Variants in POM121 observed in about 807,000 individuals in gnomAD.
POM121 encodes POM121 transmembrane nucleoporin, also known as nuclear envelope pore membrane protein POM 121.
In POM121, 32 loss-of-function variants were observed where a neutral mutation model predicts 81.3. The observed-to-expected ratio is 0.39, with a 90% CI of 0.30 to 0.53. The LOEUF is 0.53. Among genes scored for constraint, POM121 ranks in the 20% least tolerant of loss-of-function variants. The probability of loss-of-function intolerance (pLI) is 0.66; values close to 1 mark genes in which losing one functional copy is unlikely to be tolerated. For missense variants in POM121, 1,138 were observed against 1,614.6 expected, an observed-to-expected ratio of 0.70 and a Z score of 5.06; for synonymous variants, 514 against 694.2, an observed-to-expected ratio of 0.74 and a Z score of 4.08.
At chr7:72,902,412 A>G (rs1220995934) in intron 3 of POM121, among the ~76,000 whole-genome samples, 4 of 150,472 alleles carry the variant, frequency 2.7e-5, no homozygotes, top group African/African-American at 9.8e-5. Context: ...ATAGGCACCC[A>G]CCACCATGCC....
rs1797691096 is a variant in POM121 at position 72,946,353 on chromosome 7, T to G, written c.*119T>G. 13 of 1,444,688 alleles carry G rather than the reference T, an allele frequency of 9.0e-6. No homozygotes were observed. The highest frequency in any genetic ancestry group is 1.2e-5 in the Non-Finnish European group (13 of 1,094,788). 89.5% of individuals were successfully genotyped at this position (1,444,688 alleles called of 1,614,324 possible). A position where few individuals can be genotyped will look rare whatever the true frequency, so the allele number is the denominator to read the frequency against. Reference sequence around the variant, plus strand: ...AGCAAACCTACCCCGGATCTCTGGCTTCAGCCGCCAGGGGGCAGTGGCAGC... The same window carrying G: ...AGCAAACCTACCCCGGATCTCTGGCGTCAGCCGCCAGGGGGCAGTGGCAGC... On this transcript the variant is annotated 3_prime_UTR_variant, in exon 13 of 13. Transcript: ENST00000434423.
chr7:72,911,021 A>G (rs1793751392), intron 3 of POM121, among the ~76,000 whole-genome samples: 3 of 152,134 alleles, frequency 2.0e-5, no homozygotes, highest in Admixed American at 2.0e-4. Context: ...TAGTCTGGCT[A>G]TGTCCGCCAG....
intron 11 of POM121, among the ~76,000 whole-genome samples, chr7:72,945,112 G>C (rs1797539128): frequency 6.6e-6 from 1 of 152,174 alleles, no homozygotes. Flanking sequence ...TGCCAGAGAG[G>C]GCCTCGGGCA....
exon 1 of POM121, chr7:72,879,539 A>T (rs1413151621): frequency 3.8e-6 from 1 of 261,186 alleles, no homozygotes; most frequent in Non-Finnish European, 7.5e-6. Flanking sequence ...TCGAGCCGGG[A>T]CCCCCGAGCG....
intron 3 of POM121, among the ~76,000 whole-genome samples, chr7:72,895,418 C>G (rs1452139901): frequency 6.6e-6 from 1 of 152,196 alleles, no homozygotes; most frequent in Non-Finnish European, 1.5e-5. Flanking sequence ...CCTTTTCCTT[C>G]TGGGAGATGC....
intron 3 of POM121, among the ~76,000 whole-genome samples, chr7:72,910,733 A>C (rs2129576282): frequency 6.6e-6 from 1 of 152,032 alleles, no homozygotes; most frequent in South Asian, 2.1e-4. Context: ...TCAAAAGGGC[A>C]CTGTCCCGCA....
At chr7:72,910,692 A>T (rs1391056601) in intron 3 of POM121, among the ~76,000 whole-genome samples, 4 of 151,802 alleles carry the variant, frequency 2.6e-5, no homozygotes, top group Non-Finnish European at 5.9e-5. Context: ...AGCTTTTTTC[A>T]GGCTGTTTTC....
At position 72,948,299 on chromosome 7, in the gene POM121, A is replaced by G. The variant is rs550094275; in HGVS notation, c.*2065A>G. ...AGAATAAAAAACTGTGATCTATCGT[A>G]GAGTACGTTCTGCATTTTATTTCTG... On this transcript the variant is annotated 3_prime_UTR_variant, in exon 13 of 13. Coordinates refer to ENST00000434423, the MANE Select transcript of POM121 (RefSeq NM_001387691.1). 8 of 1,580,568 alleles carry G rather than the reference A, an allele frequency of 5.1e-6. No individual in the cohort carries two copies. Among genetic ancestry groups the G allele is most frequent in the Middle Eastern group, 1.7e-4 (1 of 5,920 alleles).
At chr7:72,924,473 T>A (rs575498344), upstream of POM121, 1 of 152,144 alleles carries the variant, frequency 6.6e-6, no homozygotes, top group East Asian at 1.9e-4. Flanking sequence ...AATCATAGGG[T>A]GGTGCAATCA....
intron 5 of POM121, among the ~76,000 whole-genome samples, chr7:72,931,177 T>C (rs1447355817): frequency 2.6e-5 from 4 of 152,190 alleles, no homozygotes; most frequent in Non-Finnish European, 5.9e-5. Context: ...ATTTAATATC[T>C]AGTTATTATT....
intron 3 of POM121, among the ~76,000 whole-genome samples, chr7:72,904,885 G>T (rs1793082295): frequency 1.3e-5 from 2 of 152,166 alleles, no homozygotes; most frequent in African/African-American, 4.8e-5. Flanking sequence ...AGGAGAGAGT[G>T]CAGGGGAAAC....
chr7:72,943,344 C>T lies in POM121; in HGVS notation c.3351C>T (p.Thr1117=). Residue 1117 remains threonine, a synonymous_variant, in exon 11 of 13, where the codon ACC becomes ACT. Transcript: ENST00000434423. ...GGAGCTTTGGGATCAATGTGGCCAC[C>T]CCAGGCTCCAGCACCACCACCGGAG... ...GSGSFGINVA[T]PGSSTTTGAF... 2 of 1,611,290 alleles carry T rather than the reference C, an allele frequency of 1.2e-6. No homozygotes were observed. The highest frequency in any genetic ancestry group is 1.7e-6 in the Non-Finnish European group (2 of 1,179,058).
Position 72,925,766 on chromosome 7 carries a change from G to A in POM121, c.644+1G>A. ...GACCCTCCAGGAGGCCTTCCCCACG[G>A]TAAGATGCGCTGATTTTGTCAGATC... On this transcript the variant is annotated splice_donor_variant, in intron 1 of 12. Coordinates refer to ENST00000434423, the MANE Select transcript of POM121 (RefSeq NM_001387691.1). LOFTEE classifies it high-confidence loss of function. 2 of 1,246,208 alleles carry A rather than the reference G, an allele frequency of 1.6e-6. No individual in the cohort carries two copies. Among genetic ancestry groups the A allele is most frequent in the Non-Finnish European group, 2.0e-6 (2 of 992,184 alleles). The allele number at this position is 1,246,208 out of a possible 1,614,324, so 77.2% of individuals were successfully genotyped here. A position where few individuals can be genotyped will look rare whatever the true frequency, so the allele number is the denominator to read the frequency against.
intron 3 of POM121, among the ~76,000 whole-genome samples, chr7:72,894,017 A>G (rs541541436): frequency 6.6e-6 from 1 of 152,174 alleles, no homozygotes; most frequent in East Asian, 1.9e-4. Context: ...CACACCTGTA[A>G]TCCCAGCACT....
intron 3 of POM121, among the ~76,000 whole-genome samples, chr7:72,927,901 T>C (rs1373405714): frequency 6.6e-6 from 1 of 152,132 alleles, no homozygotes; most frequent in Non-Finnish European, 1.5e-5. Flanking sequence ...CATGGGACTC[T>C]TGAGGGAAAC....
chr7:72,948,197 A>G lies in POM121; in HGVS notation c.*1963A>G. The G allele has an allele frequency of 2.1e-6, 3 of 1,441,626 alleles. No homozygotes were observed. The highest frequency in any genetic ancestry group is 1.5e-5 in the South Asian group (1 of 66,802). 89.3% of individuals were successfully genotyped at this position (1,441,626 alleles called of 1,614,324 possible). ...GGGAGGCTGGGACTTTCCATTACAA[A>G]TAGAGACTTCATTCCTGTTGAGTCT... On this transcript the variant is annotated 3_prime_UTR_variant, in exon 13 of 13. Coordinates refer to ENST00000434423, the MANE Select transcript of POM121 (RefSeq NM_001387691.1).
chr7:72,926,749 T>C, intron 2 of POM121, 53 bp from the exon 3 acceptor site: 1 of 1,597,116 alleles, frequency 6.3e-7, no homozygotes, highest in Non-Finnish European at 8.5e-7. Flanking sequence ...GTCTGTGCTA[T>C]ATGGCATGGG....
rs1354152977 is a variant in POM121, at chr7:72,943,218, C to T, written c.3225C>T (p.Ala1075=). 1.2e-6 allele frequency: 2 copies of T among 1,612,882 alleles called. No homozygotes were observed. The highest frequency in any genetic ancestry group is 1.7e-6 in the Non-Finnish European group (2 of 1,179,788). The part of the protein sequence containing the change: ...FGAATSSGFG[A]TTQTASSGSS... ...CAGCCACCAGCTCCGGCTTTGGAGC[C>T]ACCACCCAGACCGCCAGCAGCGGGA... Residue 1075 remains alanine, a synonymous_variant, in exon 11 of 13, where the codon GCC becomes GCT. Transcript: ENST00000434423.
intron 5 of POM121, among the ~76,000 whole-genome samples, chr7:72,934,627 A>G (rs560095609): frequency 6.6e-6 from 1 of 152,324 alleles, no homozygotes; most frequent in East Asian, 1.9e-4. Flanking sequence ...TTATATGTAA[A>G]TCCATAAACC....
Sources: gnomAD v4.1 joint callset for allele counts (sites outside exome capture counted in the v4.1 genomes callset) on GRCh38, gnomAD v4.1.1 for gene constraint, MANE v1.5 for transcripts, NCBI Gene and HGNC (gene_info 2026-07-23, HGNC 2026-07-21) for gene names.